ANPEP: variants seen among roughly 807,000 people sequenced by gnomAD.
ANPEP encodes aminopeptidase N.
Under a neutral mutation model 114.6 loss-of-function variants are expected in ANPEP, and 70 were observed. The ratio of observed to expected loss-of-function variants is 0.61; its 90% CI spans 0.50 to 0.75. ANPEP has a LOEUF of 0.75. ANPEP is among the 30% of genes least tolerant of loss of function. The probability of loss-of-function intolerance (pLI) is 0.00; values close to 1 mark genes in which losing one functional copy is unlikely to be tolerated. For missense variants in ANPEP, 1,184 were observed against 1,259.5 expected, an observed-to-expected ratio of 0.94 and a Z score of 0.91; for synonymous variants, 548 against 522.3, an observed-to-expected ratio of 1.05 and a Z score of -0.67.
chr15:89,795,071 C>T (rs1324726113), intron 15 of ANPEP, among the ~76,000 whole-genome samples: 1 of 137,770 alleles, frequency 7.3e-6, no homozygotes, highest in East Asian at 2.1e-4. Context: ...ACACAAAACT[C>T]AAGAGGAAAC....
At chr15:89,794,316 G>A (rs1242086716) in intron 15 of ANPEP, among the ~76,000 whole-genome samples, 2 of 151,706 alleles carry the variant, frequency 1.3e-5, no homozygotes, top group African/African-American at 4.8e-5. Context: ...AAACCCCGAA[G>A]CTACTAAAAA....
chr15:89,797,342 A>C (rs1596164515), intron 15 of ANPEP: 1 of 487,324 alleles, frequency 2.1e-6, no homozygotes, highest in Non-Finnish European at 3.5e-6. Context: ...CTCCTCACTC[A>C]CCTCCTCAGT....
Position 89,803,092 on chromosome 15 carries a change from G to A in ANPEP, c.1569+147C>T, listed in dbSNP as rs1165905548. The A allele has an allele frequency of 3.3e-6, 3 of 902,746 alleles. No homozygotes were observed. Among genetic ancestry groups the A allele is most frequent in the Non-Finnish European group, 5.4e-6 (3 of 557,780 alleles). 55.9% of individuals were successfully genotyped at this position (902,746 alleles called of 1,614,324 possible). On this transcript the variant is annotated intron_variant, in intron 10 of 20. Transcript: ENST00000300060. The surrounding 1 kb of genome is among the most constrained non-coding windows in gnomAD (Gnocchi z 4.2). ...AGGAGCCATCCCGGCTTCCACTATA[G>A]GGAGGAGCAACAGAGGCTCCATCCA... is the stretch of plus-strand genomic sequence containing the variant.
intron 12 of ANPEP, among the ~76,000 whole-genome samples, chr15:89,800,818 G>A (rs1014181087): frequency 3.3e-5 from 5 of 152,130 alleles, no homozygotes; most frequent in Admixed American, 6.5e-5. Context: ...CTCCCAAAGT[G>A]CTGGGATTAC....
chr15:89,792,903 T>C, intron 16 of ANPEP, 132 bp downstream of exon 16: 1 of 814,526 alleles, frequency 1.2e-6, no homozygotes, highest in Non-Finnish European at 2.0e-6. Flanking sequence ...AGGACCTCCC[T>C]GCTCCTGGGT....
chr15:89,787,382 T>C (rs142929445), intron 20 of ANPEP, among the ~76,000 whole-genome samples: 3 of 152,272 alleles, frequency 2.0e-5, no homozygotes, highest in African/African-American at 4.8e-5. Flanking sequence ...AGGTCTTTTG[T>C]GGGTTTGAAA....
chr15:89,806,042 T>A lies in ANPEP; in HGVS notation c.542A>T (p.Glu181Val), dbSNP rs1211934386. ...VKDSQYEMDS[E>V]FEGELADDLA... is the part of the protein sequence containing the mutation. The stretch of plus-strand genomic sequence containing the variant: ...GTCATCTGCCAACTCCCCCTCGAAC[T>A]CGCTGTCCATCTCATACTGGCTGTC... The change falls in exon 2 of 21, where the codon GAG (glutamate) becomes GTG (valine). Residue 181 changes from glutamate to valine, a missense_variant. Coordinates refer to ENST00000300060, the MANE Select transcript of ANPEP (RefSeq NM_001150.3). The surrounding 1 kb of genome is among the most constrained non-coding windows in gnomAD (Gnocchi z 5.7). 8 of 1,612,354 alleles carry A rather than the reference T, an allele frequency of 5.0e-6. No homozygotes were observed. The highest frequency in any genetic ancestry group is 6.8e-6 in the Non-Finnish European group (8 of 1,178,668).
chr15:89,803,517 G>A lies in ANPEP; in HGVS notation c.1438-10C>T. 1 of 1,606,658 alleles carries A rather than the reference G, an allele frequency of 6.2e-7. No individual in the cohort carries two copies. ...TGAGGACTGAGGCGCCCTGGGGTGGGGGTGAGGGGGCGCTCAGAAGGCTGT... is the reference window on the plus strand; with the variant it reads ...TGAGGACTGAGGCGCCCTGGGGTGGAGGTGAGGGGGCGCTCAGAAGGCTGT... On this transcript the variant is annotated splice_polypyrimidine_tract_variant and intron_variant, in intron 8 of 20. Coordinates refer to ENST00000300060, the MANE Select transcript of ANPEP (RefSeq NM_001150.3). This position sits in a 1 kb window ranked among gnomAD's most constrained non-coding sequence, Gnocchi z 4.2.
In ANPEP at chr15:89,799,296, C is replaced by T. The variant is rs1357374866; in HGVS notation, c.1973G>A (p.Arg658Gln). 3.7e-6 allele frequency: 6 copies of T among 1,614,094 alleles called. No homozygotes were observed. Among genetic ancestry groups the T allele is most frequent in the South Asian group, 1.1e-5 (1 of 91,066 alleles). ...RDHSAIPVIN[R>Q]AQIINDAFNL... Reference sequence around the variant, plus strand: ...GAAGGCGTCATTAATGATCTGTGCCCGATTGATGACAGGGATGGCCTAGAA... The same window carrying T: ...GAAGGCGTCATTAATGATCTGTGCCTGATTGATGACAGGGATGGCCTAGAA... Residue 658 changes from arginine (R) to glutamine (Q), a missense_variant, in exon 14 of 21, where the codon CGG (arginine) becomes CAG (glutamine). Arg to Gln is a conservative substitution (Grantham distance 43). Transcript: ENST00000300060. This position sits in a 1 kb window ranked among gnomAD's most constrained non-coding sequence, Gnocchi z 4.2.
At position 89,797,574 on chromosome 15, in the gene ANPEP, C is replaced by A. The variant is rs1292679633; in HGVS notation, c.2157+1G>T. ...TTGAACCCTACCATGCACCTCCGTACCTTCATGGGGCCATAGACCTCGGAG... is the reference window on the plus strand; with the variant it reads ...TTGAACCCTACCATGCACCTCCGTAACTTCATGGGGCCATAGACCTCGGAG... On this transcript the variant is annotated splice_donor_variant, in intron 15 of 20. Transcript: ENST00000300060. LOFTEE classifies it high-confidence loss of function. 1 of 1,612,048 alleles carries A rather than the reference C, an allele frequency of 6.2e-7. No individual in the cohort carries two copies. The highest frequency in any genetic ancestry group is 8.5e-7 in the Non-Finnish European group (1 of 1,178,944).
intron 1 of ANPEP, among the ~76,000 whole-genome samples, chr15:89,811,295 G>A (rs527739629): frequency 4.6e-5 from 7 of 152,256 alleles, no homozygotes; most frequent in Admixed American, 3.3e-4. Context: ...CCTTCTGAGC[G>A]ATAAAATCAT....
intron 20 of ANPEP, among the ~76,000 whole-genome samples, chr15:89,788,741 C>T (rs1366645861): frequency 6.6e-6 from 1 of 151,812 alleles, no homozygotes; most frequent in Non-Finnish European, 1.5e-5. Context: ...GCTAGGACTA[C>T]AGGTATGCAC....
At chr15:89,802,024 G>A (rs924554351) in intron 10 of ANPEP, among the ~76,000 whole-genome samples, 7 of 152,132 alleles carry the variant, frequency 4.6e-5, no homozygotes, top group Admixed American at 1.3e-4. Flanking sequence ...AAGTGCACTC[G>A]GACTGGGGTG....
At chr15:89,793,903 G>A (rs1443233266) in intron 15 of ANPEP, among the ~76,000 whole-genome samples, 1 of 151,638 alleles carries the variant, frequency 6.6e-6, no homozygotes, top group Non-Finnish European at 1.5e-5. Context: ...TCCTAACATT[G>A]TAGTGTAAGC....
chr15:89,811,503 G>A (rs1482104922), intron 1 of ANPEP, among the ~76,000 whole-genome samples: 5 of 151,864 alleles, frequency 3.3e-5, no homozygotes, highest in African/African-American at 7.3e-5. Flanking sequence ...AAAATTAGCC[G>A]GGCGTGGTGG....
At chr15:89,814,242 C>G (rs546736467) in intron 1 of ANPEP, among the ~76,000 whole-genome samples, 11 of 148,742 alleles carry the variant, frequency 7.4e-5, no homozygotes, top group Admixed American at 6.0e-4. Context: ...CCTAGAGTTC[C>G]CCTTCCTCTT....
At chr15:89,810,817 C>T (rs543840107) in intron 1 of ANPEP, among the ~76,000 whole-genome samples, 1 of 152,240 alleles carries the variant, frequency 6.6e-6, no homozygotes, top group Non-Finnish European at 1.5e-5. Flanking sequence ...ACGCTCTCCC[C>T]TGTCACTTCT....
chr15:89,801,280 T>C, intron 11 of ANPEP, 93 bp from the exon 12 acceptor site: 1 of 1,550,628 alleles, frequency 6.4e-7, no homozygotes, highest in South Asian at 1.1e-5. Context: ...TGCCCAGCTC[T>C]GGCACCGAGT....
chr15:89,810,256 G>A (rs1219033217), intron 1 of ANPEP, among the ~76,000 whole-genome samples: 6 of 152,262 alleles, frequency 3.9e-5, no homozygotes, highest in Non-Finnish European at 5.9e-5. Flanking sequence ...GCAGGTGCCC[G>A]TAATCCCAGC....
Sources: gnomAD v4.1 joint callset for allele counts (sites outside exome capture counted in the v4.1 genomes callset) on GRCh38, gnomAD v4.1.1 for gene constraint, Gnocchi (gnomAD v3.1) non-coding constraint, MANE v1.5 for transcripts, NCBI Gene and HGNC (gene_info 2026-07-23, HGNC 2026-07-21) for gene names.